PRMT2: variants seen among roughly 807,000 people sequenced by gnomAD.
PRMT2 encodes the protein protein arginine methyltransferase 2, also known as protein arginine N-methyltransferase 2.
Under a neutral mutation model 57.6 loss-of-function variants are expected in PRMT2, and 26 were observed. That is an observed-to-expected ratio of 0.45 (90% CI 0.33 to 0.63). The LOEUF is 0.63. Ranked by LOEUF, PRMT2 falls within the 20% of genes least tolerant of loss-of-function variation. The pLI is 0.02. For synonymous variants in PRMT2, 219 were observed against 220.0 expected, an observed-to-expected ratio of 1.00 and a Z score of 0.04; for missense variants, 472 against 564.4, an observed-to-expected ratio of 0.84 and a Z score of 1.66.
chr21:46,651,768 T>C, intron 7 of PRMT2: 5 of 1,609,436 alleles, frequency 3.1e-6, no homozygotes, highest in Middle Eastern at 1.7e-4. Flanking sequence ...CTGGGAGTCG[T>C]TGGTGCGGTT....
Position 46,636,897 on chromosome 21 carries a change from A to C in PRMT2, c.-55A>C. 6.4e-7 allele frequency: 1 copy of C among 1,566,828 alleles called. No homozygotes were observed. Among genetic ancestry groups the C allele is most frequent in the African/African-American group, 1.4e-5 (1 of 73,152 alleles). Reference sequence around the variant, plus strand: ...GTCTCCTTCTCTTTTTAAAAGTAGAAATGGAAAAGAAAATGAAATAAATCA... The same window carrying C: ...GTCTCCTTCTCTTTTTAAAAGTAGACATGGAAAAGAAAATGAAATAAATCA... On this transcript the variant is annotated splice_region_variant and 5_prime_UTR_variant, in exon 3 of 12. Coordinates refer to ENST00000355680, the MANE Select transcript of PRMT2 (RefSeq NM_206962.4).
At chr21:46,653,982 TA>T (rs528884843) in intron 7 of PRMT2, 2 of 1,003,164 alleles carry the variant, frequency 2.0e-6, no homozygotes, top group East Asian at 1.1e-4. Flanking sequence ...TTTCACGTCA[TA>T]AAAAATGCAG....
chr21:46,663,691 A>G (rs2061664113), intron 11 of PRMT2, 137 bp downstream of exon 11: 2 of 874,310 alleles, frequency 2.3e-6, no homozygotes, highest in East Asian at 2.7e-5. Flanking sequence ...TAATCCTTAC[A>G]CAGAAAGCGC....
rs1327552051 is a variant in PRMT2, at chr21:46,639,763, A to G, written c.39+2773A>G. On this transcript the variant is annotated intron_variant, in intron 3 of 11. Transcript: ENST00000355680. ...CCTCAACTTAAGTCCTTATATTTAA[A>G]GCGTTTTTCTCGTAAAGAGCTAGTT... is the stretch of plus-strand genomic sequence containing the variant. 3.3e-5 allele frequency among the ~76,000 whole-genome samples: 5 copies of G among 150,680 alleles called. No homozygotes were observed. The East Asian group carries it at 9.7e-4, about 29-fold the overall frequency.
chr21:46,640,649 G>T (rs2061256045), intron 3 of PRMT2, among the ~76,000 whole-genome samples: 1 of 150,846 alleles, frequency 6.6e-6, no homozygotes, highest in Non-Finnish European at 1.5e-5. Context: ...CACCATCTTG[G>T]CCAGGCTGGT....
chr21:46,640,965 C>A (rs76544473), intron 3 of PRMT2, among the ~76,000 whole-genome samples: 279 of 151,540 alleles, frequency 1.8e-3, no homozygotes, highest in African/African-American at 6.4e-3. Context: ...AAAACAATTT[C>A]TTGAGATGTG....
chr21:46,653,428 C>T, intron 7 of PRMT2: 1 of 992,344 alleles, frequency 1.0e-6, no homozygotes, highest in Non-Finnish European at 1.2e-6. Context: ...AGCTCCCCCT[C>T]AGCAAGACTC....
At position 46,643,297 on chromosome 21, in the gene PRMT2, C is replaced by T. The variant is rs2061309907; in HGVS notation, c.40-238C>T. 5.8e-6 allele frequency: 4 copies of T among 692,646 alleles called. No homozygotes were observed. In the Admixed American group the frequency reaches 1.4e-4, roughly 25 times the overall value. 42.9% of individuals were successfully genotyped at this position (692,646 alleles called of 1,614,324 possible). On this transcript the variant is annotated intron_variant, in intron 3 of 11. Coordinates refer to ENST00000355680, the MANE Select transcript of PRMT2 (RefSeq NM_206962.4). ...AGACACTAGTGGTGCCTGTTTCTGA[C>T]TTCTTGCTTTGATGTTCTCTTTTAG...
chr21:46,653,499 T>G (rs2061492596), intron 7 of PRMT2: 5 of 1,010,952 alleles, frequency 4.9e-6, no homozygotes, highest in Admixed American at 5.8e-5. Flanking sequence ...ACGGGCACTT[T>G]CAGTTTGTGG....
At chr21:46,640,253 T>A (rs2061247857) in intron 3 of PRMT2, among the ~76,000 whole-genome samples, 1 of 152,192 alleles carries the variant, frequency 6.6e-6, no homozygotes, top group South Asian at 2.1e-4. Flanking sequence ...AGTCTTTTTT[T>A]ATGAAGTAAA....
At chr21:46,663,030 C>T (rs1012204080) in intron 10 of PRMT2, among the ~76,000 whole-genome samples, 1 of 152,116 alleles carries the variant, frequency 6.6e-6, no homozygotes. Context: ...CTGTGTGTCC[C>T]CTGAGCTCCC....
rs1196950339 is a variant in PRMT2, at chr21:46,660,838, T to C, written c.836T>C (p.Leu279Ser). Residue 279 changes from leucine (L) to serine (S), a missense_variant, in exon 9 of 12, where the codon TTA becomes TCA. By Grantham distance (145) the Leu-to-Ser change is moderately radical. This residue lies in a region of PRMT2 where 229 missense variants were observed against 217.2 expected (regional missense o/e 1.05). Coordinates refer to ENST00000355680, the MANE Select transcript of PRMT2 (RefSeq NM_206962.4). ...GCTTTGACCTTTTCCCCTAGATCTT[T>C]AGCAGTTAAGGAGTTTTTTTCAAAG... is the stretch of plus-strand genomic sequence containing the variant. ...YEFNLSALKS[L>S]AVKEFFSKPK... The C allele has an allele frequency of 1.9e-6, 3 of 1,613,772 alleles. No homozygotes were observed. Among genetic ancestry groups the C allele is most frequent in the South Asian group, 1.1e-5 (1 of 91,006 alleles).
At chr21:46,659,147 T>C in intron 8 of PRMT2, 2 of 1,259,612 alleles carry the variant, frequency 1.6e-6, no homozygotes, top group Non-Finnish European at 2.0e-6. Context: ...AAAATTTTCG[T>C]ATGTGAAAAA....
In PRMT2 at chr21:46,663,077, C is replaced by T. The variant is rs548317630; in HGVS notation, c.1098-306C>T. On this transcript the variant is annotated intron_variant, in intron 10 of 11. Coordinates refer to ENST00000355680, the MANE Select transcript of PRMT2 (RefSeq NM_206962.4). ...GCCACCCAGGGTGAGCCGTCCACAC[C>T]TCCTGGAATCTGAGTGGTCTCAGGA... is the stretch of plus-strand genomic sequence containing the variant. 5.3e-5 allele frequency among the ~76,000 whole-genome samples: 8 copies of T among 152,364 alleles called. No homozygotes were observed. The South Asian group carries it at 1.7e-3, about 32-fold the overall frequency.
Position 46,648,083 on chromosome 21 carries a change from A to G in PRMT2, c.328-375A>G, listed in dbSNP as rs1477977400. Among the ~76,000 whole-genome samples the G allele has an allele frequency of 6.6e-6, 1 of 152,132 alleles. No homozygotes were observed. The highest frequency in any genetic ancestry group is 6.5e-5 in the Admixed American group (1 of 15,284). On this transcript the variant is annotated intron_variant, in intron 5 of 11. Coordinates refer to ENST00000355680, the MANE Select transcript of PRMT2 (RefSeq NM_206962.4). The surrounding 1 kb of genome is among the most constrained non-coding windows in gnomAD (Gnocchi z 4.8). ...TTAGTAGGTACTGCATGGAATGTTT[A>G]TGTTAATTTTGGGAGAGCTGACATC...
intron 3 of PRMT2, among the ~76,000 whole-genome samples, chr21:46,637,574 A>G (rs1569147150): frequency 1.3e-5 from 2 of 151,920 alleles, no homozygotes; most frequent in African/African-American, 2.4e-5. Context: ...TTGGCTTTTT[A>G]TATATAGGAA....
Position 46,648,824 on chromosome 21 carries a change from C to T in PRMT2, c.489+205C>T, listed in dbSNP as rs1036059057. ...CGCGTGCTAGAGGCCGTGGCGCCCG[C>T]GTACAATGAGTCGCAGACAGCACAG... On this transcript the variant is annotated intron_variant, in intron 6 of 11. Coordinates refer to ENST00000355680, the MANE Select transcript of PRMT2 (RefSeq NM_206962.4). This position sits in a 1 kb window ranked among gnomAD's most constrained non-coding sequence, Gnocchi z 4.8. 3.9e-5 allele frequency among the ~76,000 whole-genome samples: 6 copies of T among 152,178 alleles called. No individual in the cohort carries two copies. Among genetic ancestry groups the T allele is most frequent in the Non-Finnish European group, 7.3e-5 (5 of 68,028 alleles).
rs561307224 is a variant in PRMT2 at position 46,653,683 on chromosome 21, C to T, written c.654+3944C>T. 7.6e-5 allele frequency: 95 copies of T among 1,254,416 alleles called. No individual in the cohort carries two copies. In the African/African-American group the frequency reaches 1.4e-3, roughly 18 times the overall value. 77.7% of individuals were successfully genotyped at this position (1,254,416 alleles called of 1,614,324 possible). Reference sequence around the variant, plus strand: ...CCTGGAGCTCATGTAGATCATTTTACTTTTCAGAGGTGCTAGTTCTGGTGC... The same window carrying T: ...CCTGGAGCTCATGTAGATCATTTTATTTTTCAGAGGTGCTAGTTCTGGTGC... On this transcript the variant is annotated intron_variant, in intron 7 of 11. Coordinates refer to ENST00000355680, the MANE Select transcript of PRMT2 (RefSeq NM_206962.4).
In PRMT2 at chr21:46,649,430, C is replaced by CA; in HGVS notation, c.490-144dup. ...GTGCCCCTGGAGGGGCAGGTGTGGC[C>CA]AGTCCTCGCTGCCTCTGCTGTCTGG... On this transcript the variant is annotated intron_variant, in intron 6 of 11. Transcript: ENST00000355680. This position sits in a 1 kb window ranked among gnomAD's most constrained non-coding sequence, Gnocchi z 4.8. The CA allele has an allele frequency of 7.6e-7, 1 of 1,315,632 alleles. No homozygotes were observed. Among genetic ancestry groups the CA allele is most frequent in the Non-Finnish European group, 1.1e-6 (1 of 930,670 alleles). 81.5% of individuals were successfully genotyped at this position (1,315,632 alleles called of 1,614,324 possible).
Sources: allele counts gnomAD v4.1 joint callset (sites outside exome capture counted in the v4.1 genomes callset), GRCh38; gene constraint gnomAD v4.1.1; regional missense constraint gnomAD v4.1.1; non-coding constraint Gnocchi (gnomAD v3.1); transcripts MANE v1.5; gene names NCBI Gene and HGNC (gene_info 2026-07-23, HGNC 2026-07-21).